Variants in LRRIQ1 observed in about 807,000 individuals in gnomAD.
LRRIQ1 encodes the protein leucine rich repeats and IQ motif containing 1, also known as leucine-rich repeat- and IQ domain-containing protein 1.
Under a neutral mutation model 211.9 loss-of-function variants are expected in LRRIQ1, and 210 were observed. That is an observed-to-expected ratio of 0.99 (90% CI 0.89 to 1.11). The LOEUF is 1.11. Among genes scored for constraint, LRRIQ1 ranks in the 50% most tolerant of loss-of-function variants. LRRIQ1 has a pLI of 0.00. For missense variants in LRRIQ1, 2,136 were observed against 1,939.5 expected, an observed-to-expected ratio of 1.10 and a Z score of -1.90; for synonymous variants, 699 against 650.1, an observed-to-expected ratio of 1.08 and a Z score of -1.14.
chr12:85,123,246 A>T (rs944208633), intron 16 of LRRIQ1, among the ~76,000 whole-genome samples: 5 of 152,050 alleles, frequency 3.3e-5, no homozygotes, highest in Admixed American at 6.6e-5. Flanking sequence ...TGTAACTTTC[A>T]TTTTGTTTGA....
At position 85,122,589 on chromosome 12, in the gene LRRIQ1, A is replaced by G. The variant is rs189921908; in HGVS notation, c.3557+713A>G. Among the ~76,000 whole-genome samples the G allele has an allele frequency of 6.0e-4, 92 of 152,232 alleles. 1 individual carries two copies. The highest frequency in any genetic ancestry group is 3.7e-4 in the Non-Finnish European group (25 of 67,960). On this transcript the variant is annotated intron_variant, in intron 16 of 26. Transcript: ENST00000393217. ...TCTTCATTGCAATTGGAAAAATAACATGCACTTCCAAATGTCTAAATTTTC... is the reference window on the plus strand; with the variant it reads ...TCTTCATTGCAATTGGAAAAATAACGTGCACTTCCAAATGTCTAAATTTTC...
At chr12:85,153,619 T>C (rs1446974957) in intron 21 of LRRIQ1, 44 bp from the exon 22 acceptor site, 1 of 1,230,770 alleles carries the variant, frequency 8.1e-7, no homozygotes, top group Non-Finnish European at 1.2e-6. Context: ...AGTGCTGATA[T>C]ACTTGTGTTG....
chr12:85,194,690 T>A (rs1265376259), intron 24 of LRRIQ1, among the ~76,000 whole-genome samples: 1 of 152,052 alleles, frequency 6.6e-6, no homozygotes, highest in African/African-American at 2.4e-5. Flanking sequence ...GAGGGAAATT[T>A]ATAGCACTAA....
At position 85,208,937 on chromosome 12, in the gene LRRIQ1, G is replaced by C. The variant is rs117671811; in HGVS notation, c.4823-20580G>C. On this transcript the variant is annotated intron_variant, in intron 24 of 26. Transcript: ENST00000393217. ...GTCTTCTGGTGCTGTTACTCAAAAAGATATATTAGCAAGCATTCTTGACCC... is the reference window on the plus strand; with the variant it reads ...GTCTTCTGGTGCTGTTACTCAAAAACATATATTAGCAAGCATTCTTGACCC... 4.3e-3 allele frequency among the ~76,000 whole-genome samples: 662 copies of C among 152,190 alleles called. 6 individuals are homozygous for C. Among genetic ancestry groups the C allele is most frequent in the Non-Finnish European group, 6.8e-3 (460 of 68,004 alleles).
chr12:85,108,812 G>A (rs1886962835), intron 15 of LRRIQ1, among the ~76,000 whole-genome samples: 3 of 152,066 alleles, frequency 2.0e-5, no homozygotes, highest in African/African-American at 7.2e-5. Flanking sequence ...TTAGGAAAAT[G>A]AGTTTGCCAA....
At chr12:85,107,898 TTTCTC>T (rs1414856808) in intron 15 of LRRIQ1, among the ~76,000 whole-genome samples, 10 of 152,168 alleles carry the variant, frequency 6.6e-5, no homozygotes, top group African/African-American at 2.4e-4. Flanking sequence ...ACATTTGTAA[TTTCTC>T]TTCTAATCAT....
chr12:85,160,268 T>C (rs1890794174), intron 23 of LRRIQ1, among the ~76,000 whole-genome samples: 1 of 152,024 alleles, frequency 6.6e-6, no homozygotes, highest in South Asian at 2.1e-4. Flanking sequence ...GAAAAACCAC[T>C]ATTTTAGGTG....
rs140307166 is a variant in LRRIQ1 at position 85,134,273 on chromosome 12, T to G, written c.4210-3577T>G. The stretch of plus-strand genomic sequence containing the variant: ...TCCATTATGCACATATATTCAAATG[T>G]TAAATACACAGTGGGAGGTCCTTAG... On this transcript the variant is annotated intron_variant, in intron 18 of 26. Transcript: ENST00000393217. 3.7e-3 allele frequency among the ~76,000 whole-genome samples: 556 copies of G among 152,268 alleles called. 3 individuals carry two copies. Among genetic ancestry groups the G allele is most frequent in the Non-Finnish European group, 6.2e-3 (420 of 68,012 alleles).
intron 1 of LRRIQ1, among the ~76,000 whole-genome samples, chr12:85,258,701 T>C (rs1343751767): frequency 2.0e-5 from 3 of 151,986 alleles, no homozygotes; most frequent in Non-Finnish European, 4.4e-5. Flanking sequence ...TTGGTTCTGG[T>C]CACTTTCATT....
intron 17 of LRRIQ1, among the ~76,000 whole-genome samples, chr12:85,126,644 A>G (rs151279255): frequency 6.6e-6 from 1 of 152,310 alleles, no homozygotes; most frequent in East Asian, 1.9e-4. Flanking sequence ...CTTAGACCAT[A>G]TATTTTAGCC....
In LRRIQ1 at chr12:85,069,900, T is replaced by C. The variant is rs944542999; in HGVS notation, c.2695+3002T>C. Among the ~76,000 whole-genome samples the C allele has an allele frequency of 1.3e-4, 20 of 152,176 alleles. 2 individuals are homozygous for C. Among genetic ancestry groups the C allele is most frequent in the African/African-American group, 4.8e-4 (20 of 41,548 alleles). ...CCCATTCTGTAGGTTGCCTGTTCAC[T>C]CTGATGGTAGTTTCTTTTGCTGTGC... On this transcript the variant is annotated intron_variant, in intron 10 of 26. Transcript: ENST00000393217.
At chr12:85,131,072 C>T (rs1888720568) in intron 18 of LRRIQ1, among the ~76,000 whole-genome samples, 1 of 150,496 alleles carries the variant, frequency 6.6e-6, no homozygotes, top group South Asian at 2.1e-4. Context: ...AAAAATTAGC[C>T]AGGCATGGTG....
In LRRIQ1 at chr12:85,127,830, A is replaced by T; in HGVS notation, c.4008-2A>T. On this transcript the variant is annotated splice_acceptor_variant, in intron 17 of 26. Transcript: ENST00000393217. LOFTEE classifies it high-confidence loss of function. ...GTGTGTTTTTTTTTCTCCTCTTAAT[A>T]GTATGGCAGCTGTGGTAATCCAGTC... 1 of 1,612,750 alleles carries T rather than the reference A, an allele frequency of 6.2e-7. No individual in the cohort carries two copies. The highest frequency in any genetic ancestry group is 8.5e-7 in the Non-Finnish European group (1 of 1,179,394).
chr12:85,233,107 C>A (rs753872965), intron 26 of LRRIQ1: 5 of 218,880 alleles, frequency 2.3e-5, no homozygotes, highest in Non-Finnish European at 4.5e-5. Flanking sequence ...AAAGCACCCT[C>A]ATTACTCAGA....
chr12:85,199,338 C>T (rs1893177959), intron 24 of LRRIQ1, among the ~76,000 whole-genome samples: 2 of 151,976 alleles, frequency 1.3e-5, no homozygotes, highest in Admixed American at 6.6e-5. Flanking sequence ...ATAGGCAGCC[C>T]GTTATTCCAG....
chr12:85,224,841 A>G (rs999494071), intron 24 of LRRIQ1, among the ~76,000 whole-genome samples: 5 of 152,118 alleles, frequency 3.3e-5, no homozygotes, highest in Non-Finnish European at 5.9e-5. Flanking sequence ...TTATATAACA[A>G]AACTGCACAT....
intron 11 of LRRIQ1, among the ~76,000 whole-genome samples, chr12:85,082,816 C>G (rs1884437788): frequency 6.6e-6 from 1 of 151,986 alleles, no homozygotes; most frequent in Non-Finnish European, 1.5e-5. Context: ...TGTTTATTGT[C>G]ATCTTTTTAT....
chr12:85,128,356 T>G (rs1888529788), intron 18 of LRRIQ1, among the ~76,000 whole-genome samples: 1 of 152,128 alleles, frequency 6.6e-6, no homozygotes, highest in Non-Finnish European at 1.5e-5. Flanking sequence ...TACCAGCACT[T>G]TGGGAGGCAA....
intron 11 of LRRIQ1, among the ~76,000 whole-genome samples, chr12:85,077,987 CA>C (rs113365373): frequency 0.68 from 98,541 of 144,248 alleles, 34,591 homozygotes; most frequent in African/African-American, 0.92. Flanking sequence ...GACCCTGTCT[CA>C]AAAAAAAAAA....
Sources: allele counts gnomAD v4.1 joint callset (sites outside exome capture counted in the v4.1 genomes callset), GRCh38; gene constraint gnomAD v4.1.1; transcripts MANE v1.5; gene names NCBI Gene and HGNC (gene_info 2026-07-23, HGNC 2026-07-21).